The following ZNF639 variants were observed in gnomAD, a reference collection of about 807,000 sequenced individuals.
ZNF639 encodes the protein zinc finger amplified in esophageal squamous cell carcinomas 1.
Under a neutral mutation model 39.8 loss-of-function variants are expected in ZNF639, and 20 were observed. The observed-to-expected ratio is 0.50, with a 90% CI of 0.35 to 0.73. ZNF639 has a LOEUF of 0.73. Ranked by LOEUF, ZNF639 falls within the 30% of genes least tolerant of loss-of-function variation. The pLI is 0.00. For missense variants in ZNF639, 477 were observed against 566.2 expected (o/e 0.84, Z 1.60); for synonymous variants, 176 against 189.8 (o/e 0.93, Z 0.60).
In ZNF639 at chr3:179,323,063, C is replaced by T. The variant is rs1727366757; in HGVS notation, c.-311C>T. On this transcript the variant is annotated 5_prime_UTR_variant, in exon 1 of 6. Transcript: ENST00000496856. Reference sequence around the variant, plus strand: ...GCGGCGCAGGCGCGGAGCGTGGCGGCCAGGGCAGTGCGGCCGCGGAGCCTA... The same window carrying T: ...GCGGCGCAGGCGCGGAGCGTGGCGGTCAGGGCAGTGCGGCCGCGGAGCCTA... 8 of 984,998 alleles carry T rather than the reference C, an allele frequency of 8.1e-6. No individual in the cohort carries two copies. Among genetic ancestry groups the T allele is most frequent in the African/African-American group, 1.7e-5 (1 of 57,148 alleles). The allele number at this position is 984,998 out of a possible 1,614,324, so 61.0% of individuals were successfully genotyped here.
At chr3:179,331,894 A>G (rs1727935779) in intron 4 of ZNF639, among the ~76,000 whole-genome samples, 1 of 152,268 alleles carries the variant, frequency 6.6e-6, no homozygotes, top group Non-Finnish European at 1.5e-5. Flanking sequence ...TACCCTTGAT[A>G]AGAAGTGATG....
intron 4 of ZNF639, among the ~76,000 whole-genome samples, chr3:179,331,823 TAGAG>T (rs1727933336): frequency 6.8e-6 from 1 of 146,316 alleles, no homozygotes; most frequent in Admixed American, 6.8e-5. Context: ...TGAAACCTGA[TAGAG>T]ACTTAGCCAG....
rs1301695976 is a variant in ZNF639, at chr3:179,336,580, A to T, written c.*2158A>T. The T allele has an allele frequency of 2.0e-5, 3 of 152,220 alleles. No individual in the cohort carries two copies. Among genetic ancestry groups the T allele is most frequent in the African/African-American group, 4.8e-5 (2 of 41,440 alleles). 9.4% of individuals were successfully genotyped at this position (152,220 alleles called of 1,614,324 possible). ...GAAGACTTAAAATTGTAACAGTTTAAATTGTAAGATAACCTTAGAAAGCAT... is the reference window on the plus strand; with the variant it reads ...GAAGACTTAAAATTGTAACAGTTTATATTGTAAGATAACCTTAGAAAGCAT... On this transcript the variant is annotated 3_prime_UTR_variant, in exon 6 of 6. Coordinates refer to ENST00000496856, the MANE Select transcript of ZNF639 (RefSeq NM_001303426.2).
intron 1 of ZNF639, among the ~76,000 whole-genome samples, chr3:179,327,008 G>A (rs751680823): frequency 4.6e-5 from 7 of 151,844 alleles, no homozygotes; most frequent in Non-Finnish European, 7.4e-5. Context: ...TGGCCAACAT[G>A]GTGAAACCCC....
intron 1 of ZNF639, among the ~76,000 whole-genome samples, chr3:179,327,330 A>C (rs1727652466): frequency 6.6e-6 from 1 of 152,248 alleles, no homozygotes; most frequent in Non-Finnish European, 1.5e-5. Flanking sequence ...TCTCAAAAAA[A>C]AAGAACTATA....
rs1486431500 is a variant in ZNF639 at position 179,335,123 on chromosome 3, C to T, written c.*701C>T. 1 of 152,096 alleles carries T rather than the reference C, an allele frequency of 6.6e-6. No individual in the cohort carries two copies. Among genetic ancestry groups the T allele is most frequent in the Non-Finnish European group, 1.5e-5 (1 of 68,028 alleles). The allele number at this position is 152,096 out of a possible 1,614,324, so 9.4% of individuals were successfully genotyped here. A position where few individuals can be genotyped will look rare whatever the true frequency, so the allele number is the denominator to read the frequency against. The stretch of plus-strand genomic sequence containing the variant: ...TTAATATTTTTTTCTTAGAGATGGT[C>T]TCGTTCTGTTGTCCAGGATGGAGTG... On this transcript the variant is annotated 3_prime_UTR_variant, in exon 6 of 6. Transcript: ENST00000496856.
rs1711532666 is a variant in ZNF639, at chr3:179,336,550, T to C, written c.*2128T>C. ...CCTGTTACGGCTGATAACAAATGTT[T>C]CTCAGAAGACTTAAAATTGTAACAG... On this transcript the variant is annotated 3_prime_UTR_variant, in exon 6 of 6. Coordinates refer to ENST00000496856, the MANE Select transcript of ZNF639 (RefSeq NM_001303426.2). 1 of 152,234 alleles carries C rather than the reference T, an allele frequency of 6.6e-6. No homozygotes were observed. The highest frequency in any genetic ancestry group is 1.5e-5 in the Non-Finnish European group (1 of 68,030). 9.4% of individuals were successfully genotyped at this position (152,234 alleles called of 1,614,324 possible). A position where few individuals can be genotyped will look rare whatever the true frequency, so the allele number is the denominator to read the frequency against.
intron 4 of ZNF639, among the ~76,000 whole-genome samples, chr3:179,330,999 C>T (rs1467766421): frequency 6.6e-6 from 1 of 152,222 alleles, no homozygotes; most frequent in Non-Finnish European, 1.5e-5. Context: ...AGCATGAGCA[C>T]ATTCAGTGCC....
At position 179,338,380 on chromosome 3, in the gene ZNF639, G is replaced by A. The variant is rs1465460452; in HGVS notation, c.*3958G>A. 4 of 152,090 alleles carry A rather than the reference G, an allele frequency of 2.6e-5. No individual in the cohort carries two copies. Among genetic ancestry groups the A allele is most frequent in the African/African-American group, 9.7e-5 (4 of 41,414 alleles). 9.4% of individuals were successfully genotyped at this position (152,090 alleles called of 1,614,324 possible). On this transcript the variant is annotated 3_prime_UTR_variant, in exon 6 of 6. Coordinates refer to ENST00000496856, the MANE Select transcript of ZNF639 (RefSeq NM_001303426.2). ...CCCTGTATTCCAGAAATTGAAAATG[G>A]TTGTTCACTAAAAAGCCTCTTCTTT...
chr3:179,338,446 C>G lies in ZNF639; in HGVS notation c.*4024C>G, dbSNP rs1049542867. The G allele has an allele frequency of 6.6e-6, 1 of 152,080 alleles. No homozygotes were observed. The highest frequency in any genetic ancestry group is 1.5e-5 in the Non-Finnish European group (1 of 68,026). The allele number at this position is 152,080 out of a possible 1,614,324, so 9.4% of individuals were successfully genotyped here. On this transcript the variant is annotated 3_prime_UTR_variant, in exon 6 of 6. Transcript: ENST00000496856. ...TGCCAATTTTGCCATTTTAAATCAC[C>G]TTTCTTACGTTTCTCTGAATTGTAT...
At chr3:179,330,377 G>A (rs1441785604) in intron 4 of ZNF639, among the ~76,000 whole-genome samples, 3 of 152,076 alleles carry the variant, frequency 2.0e-5, no homozygotes, top group Non-Finnish European at 4.4e-5. Flanking sequence ...TTGACCTCTT[G>A]AGCTAAAGCA....
Position 179,333,877 on chromosome 3 carries a change from T to C in ZNF639, c.913T>C (p.Tyr305His). ...ACAGTTCTCCTCAAGCAGTGAACTC[T>C]ACCTACATTTCCAGGAGCACAGCTG... ...DVQFSSSSEL[Y>H]LHFQEHSCDE... The change falls in exon 6 of 6, where the codon TAC becomes CAC. Residue 305 changes from tyrosine (Y) to histidine (H), a missense_variant. By Grantham distance (83) the Tyr-to-His change is moderately conservative. Coordinates refer to ENST00000496856, the MANE Select transcript of ZNF639 (RefSeq NM_001303426.2). 1.2e-6 allele frequency: 2 copies of C among 1,614,206 alleles called. No homozygotes were observed. Among genetic ancestry groups the C allele is most frequent in the Admixed American group, 1.7e-5 (1 of 60,020 alleles).
intron 3 of ZNF639, among the ~76,000 whole-genome samples, chr3:179,328,713 G>GA (rs1469983295): frequency 3.3e-5 from 5 of 151,102 alleles, no homozygotes; most frequent in Non-Finnish European, 7.4e-5. Flanking sequence ...CATTATTGGG[G>GA]AAAAAAGACT....
In ZNF639 at chr3:179,337,286, T is replaced by A. The variant is rs1711565204; in HGVS notation, c.*2864T>A. On this transcript the variant is annotated 3_prime_UTR_variant, in exon 6 of 6. Transcript: ENST00000496856. ...AAAAAAAAAAGAAAAGAAGAAAAGA[T>A]TGCAATGCAGCTACTCAAGAGACAT... 1 of 150,458 alleles carries A rather than the reference T, an allele frequency of 6.6e-6. No homozygotes were observed. The highest frequency in any genetic ancestry group is 1.5e-5 in the Non-Finnish European group (1 of 67,706). 9.3% of individuals were successfully genotyped at this position (150,458 alleles called of 1,614,324 possible).
In ZNF639 at chr3:179,333,888, C is replaced by CA. The variant is rs1728066965; in HGVS notation, c.924_925insA (p.Gln309ThrfsTer6). ...CAAGCAGTGAACTCTACCTACATTT[C>CA]CAGGAGCACAGCTGTGATGAACAGT... is the stretch of plus-strand genomic sequence containing the variant. On this transcript the variant is annotated frameshift_variant, in exon 6 of 6. Coordinates refer to ENST00000496856, the MANE Select transcript of ZNF639 (RefSeq NM_001303426.2). LOFTEE classifies it high-confidence loss of function. 1 of 1,614,038 alleles carries CA rather than the reference C, an allele frequency of 6.2e-7. No individual in the cohort carries two copies. The highest frequency in any genetic ancestry group is 8.5e-7 in the Non-Finnish European group (1 of 1,180,036).
rs1728064090 is a variant in ZNF639, at chr3:179,333,858, C to G, written c.894C>G (p.Phe298Leu). Residue 298 changes from phenylalanine (F) to leucine (L), a missense_variant, in exon 6 of 6, where the codon TTC (phenylalanine) becomes TTG (leucine). Physicochemically the swap from Phe to Leu is conservative, Grantham distance 22 (BLOSUM62 0). Coordinates refer to ENST00000496856, the MANE Select transcript of ZNF639 (RefSeq NM_001303426.2). Reference sequence around the variant, plus strand: ...GGTGTGAACAGTGTGATGTACAGTTCTCCTCAAGCAGTGAACTCTACCTAC... The same window carrying G: ...GGTGTGAACAGTGTGATGTACAGTTGTCCTCAAGCAGTGAACTCTACCTAC... Reference protein sequence around the residue: ...LYWCEQCDVQFSSSSELYLHF... With the variant: ...LYWCEQCDVQLSSSSELYLHF... 6.2e-7 allele frequency: 1 copy of G among 1,614,122 alleles called. No homozygotes were observed. The highest frequency in any genetic ancestry group is 8.5e-7 in the Non-Finnish European group (1 of 1,180,028).
At chr3:179,323,351 TGCGGGCGC>T in intron 1 of ZNF639, 60 bp downstream of exon 1, 2 of 985,500 alleles carry the variant, frequency 2.0e-6, no homozygotes, top group Non-Finnish European at 2.4e-6. Context: ...GACGCGGGCG[TGCGGGCGC>T]ATCTTCTAAC....
chr3:179,327,363 A>T (rs896984285), intron 1 of ZNF639, among the ~76,000 whole-genome samples, 198 bp from the exon 2 acceptor site: 1 of 152,240 alleles, frequency 6.6e-6, no homozygotes, highest in Admixed American at 6.5e-5. Context: ...TTTCAAAGAA[A>T]TGTGGAAATT....
chr3:179,323,660 TTGTC>T (rs1405796767), intron 1 of ZNF639: 1 of 152,470 alleles, frequency 6.6e-6, no homozygotes, highest in African/African-American at 2.4e-5. Context: ...CGACGGGCAT[TTGTC>T]TGGCTGCGTC....
Sources: allele counts gnomAD v4.1 joint callset (sites outside exome capture counted in the v4.1 genomes callset), GRCh38; gene constraint gnomAD v4.1.1; transcripts MANE v1.5; gene names NCBI Gene and HGNC (gene_info 2026-07-23, HGNC 2026-07-21).